The following HS3ST4 variants were observed in gnomAD, a reference collection of about 807,000 sequenced individuals.
HS3ST4 encodes heparan sulfate glucosamine 3-O-sulfotransferase 4.
In HS3ST4, 17 loss-of-function variants were observed where a neutral mutation model predicts 29.2. The observed-to-expected ratio is 0.58, with a 90% CI of 0.40 to 0.87. The LOEUF (loss-of-function observed/expected upper bound fraction) is 0.87. Among genes scored for constraint, HS3ST4 ranks in the 40% least tolerant of loss-of-function variants. The pLI, the probability that HS3ST4 is intolerant of heterozygous loss-of-function variation, is 0.00. For missense variants in HS3ST4, 627 were observed against 634.5 expected (o/e 0.99, Z 0.13); for synonymous variants, 314 against 285.7 (o/e 1.10, Z -1.00).
chr16:25,772,969 G>A (rs1267503991), intron 1 of HS3ST4, among the ~76,000 whole-genome samples: 1 of 152,150 alleles, frequency 6.6e-6, no homozygotes, highest in Admixed American at 6.5e-5. Flanking sequence ...ACAAGGTATC[G>A]AAGGGATTCT....
chr16:25,937,689 T>G (rs1968530225), intron 1 of HS3ST4, among the ~76,000 whole-genome samples: 1 of 152,184 alleles, frequency 6.6e-6, no homozygotes, highest in East Asian at 1.9e-4. Context: ...GTTGCCTGGT[T>G]GACAATGAGA....
chr16:25,936,887 A>C (rs894147621), intron 1 of HS3ST4, among the ~76,000 whole-genome samples: 9 of 152,232 alleles, frequency 5.9e-5, no homozygotes, highest in African/African-American at 2.2e-4. Context: ...AGAGTTTTGG[A>C]AGGAAGAACG....
At chr16:25,718,514 GAGAGAA>G (rs1966473074) in intron 1 of HS3ST4, among the ~76,000 whole-genome samples, 4 of 152,114 alleles carry the variant, frequency 2.6e-5, no homozygotes, top group East Asian at 3.9e-4. Context: ...GAGAGAGAGA[GAGAGAA>G]AGAAAGAGAG....
chr16:25,850,583 C>T (rs9925319), intron 1 of HS3ST4, among the ~76,000 whole-genome samples: 44,460 of 152,012 alleles, frequency 0.29, 6,947 homozygotes, highest in Admixed American at 0.35. Flanking sequence ...GAAAAGAAAA[C>T]AAAATTCAAA....
intron 1 of HS3ST4, among the ~76,000 whole-genome samples, chr16:26,075,292 G>C (rs1277386165): frequency 6.6e-6 from 1 of 152,114 alleles, no homozygotes; most frequent in East Asian, 1.9e-4. Context: ...CCAACCTCCT[G>C]GGTGGTTGCA....
intron 1 of HS3ST4, among the ~76,000 whole-genome samples, chr16:25,711,632 A>G (rs1966416158): frequency 6.6e-6 from 1 of 152,154 alleles, no homozygotes. Context: ...GCCTTTAGAA[A>G]AGTGTTCTCA....
chr16:25,904,404 A>G (rs1282008533), intron 1 of HS3ST4, among the ~76,000 whole-genome samples: 1 of 152,240 alleles, frequency 6.6e-6, no homozygotes, highest in Non-Finnish European at 1.5e-5. Flanking sequence ...GTGTCAAAGC[A>G]TTGAAATAAC....
intron 1 of HS3ST4, among the ~76,000 whole-genome samples, chr16:25,850,788 T>A (rs967137732): frequency 9.2e-5 from 14 of 152,214 alleles, no homozygotes; most frequent in Non-Finnish European, 1.9e-4. Flanking sequence ...CACTGCCCTT[T>A]TGCGGGGCTT....
At chr16:25,903,875 A>G (rs1968147926) in intron 1 of HS3ST4, among the ~76,000 whole-genome samples, 2 of 152,162 alleles carry the variant, frequency 1.3e-5, no homozygotes, top group African/African-American at 4.8e-5. Flanking sequence ...TGTTTTAGGA[A>G]AATTCATTTG....
chr16:25,955,276 G>C (rs1010691639), intron 1 of HS3ST4, among the ~76,000 whole-genome samples: 2 of 152,186 alleles, frequency 1.3e-5, no homozygotes, highest in Non-Finnish European at 1.5e-5. Context: ...ATGCTGTAGA[G>C]GGTTATGGCA....
chr16:25,798,607 A>C (rs1355719683), intron 1 of HS3ST4, among the ~76,000 whole-genome samples: 1 of 152,226 alleles, frequency 6.6e-6, no homozygotes, highest in Non-Finnish European at 1.5e-5. Context: ...GGTGGAAAAC[A>C]GTCCCTCCAC....
intron 1 of HS3ST4, among the ~76,000 whole-genome samples, chr16:25,984,730 A>G (rs1211550743): frequency 6.6e-6 from 1 of 152,256 alleles, no homozygotes; most frequent in Non-Finnish European, 1.5e-5. Context: ...ATTACCATGA[A>G]TGACAGGACT....
chr16:25,883,321 G>A (rs1313681758), intron 1 of HS3ST4, among the ~76,000 whole-genome samples: 2 of 151,848 alleles, frequency 1.3e-5, no homozygotes, highest in Admixed American at 6.6e-5. Flanking sequence ...GAGTTTCAAA[G>A]GACTGTTTTG....
At chr16:25,817,016 G>A (rs991787312) in intron 1 of HS3ST4, among the ~76,000 whole-genome samples, 5 of 152,182 alleles carry the variant, frequency 3.3e-5, no homozygotes, top group Admixed American at 2.0e-4. Flanking sequence ...TGGCACATTG[G>A]GAATTAGATT....
At chr16:25,956,773 C>T (rs942655706) in intron 1 of HS3ST4, among the ~76,000 whole-genome samples, 2 of 151,796 alleles carry the variant, frequency 1.3e-5, no homozygotes, top group African/African-American at 4.8e-5. Context: ...CTGAGGCGGG[C>T]ACATCATGAG....
intron 1 of HS3ST4, among the ~76,000 whole-genome samples, chr16:25,762,896 A>AAG (rs950517865): frequency 1.4e-5 from 2 of 146,060 alleles, no homozygotes; most frequent in African/African-American, 2.7e-5. Context: ...AAAAAAAAAA[A>AAG]AAAGAAAAAA....
intron 1 of HS3ST4, among the ~76,000 whole-genome samples, chr16:25,814,440 G>A (rs764331811): frequency 7.2e-5 from 11 of 151,934 alleles, no homozygotes; most frequent in East Asian, 1.9e-4. Flanking sequence ...TCTGCTTCCC[G>A]GATTTAAGCC....
At chr16:25,980,507 G>A (rs559723156) in intron 1 of HS3ST4, among the ~76,000 whole-genome samples, 169 of 152,194 alleles carry the variant, frequency 1.1e-3, no homozygotes, top group African/African-American at 3.8e-3. Context: ...AGCCAGCTAC[G>A]GCTGTATTCT....
At chr16:26,049,160 G>A (rs539734283) in intron 1 of HS3ST4, among the ~76,000 whole-genome samples, 80 of 152,028 alleles carry the variant, frequency 5.3e-4, no homozygotes, top group South Asian at 2.5e-3. Flanking sequence ...TCTAAAGGTA[G>A]TCATGTGTTT....
Sources: gnomAD v4.1 joint callset for allele counts (sites outside exome capture counted in the v4.1 genomes callset) on GRCh38, gnomAD v4.1.1 for gene constraint, MANE v1.5 for transcripts, NCBI Gene and HGNC (gene_info 2026-07-23, HGNC 2026-07-21) for gene names.